The following TEX264 variants were observed in gnomAD, a reference collection of about 807,000 sequenced individuals.
TEX264 encodes testis-expressed protein 264.
In TEX264, 13 loss-of-function variants were observed where a neutral mutation model predicts 23.4. The observed-to-expected ratio is 0.56, with a 90% confidence interval of 0.36 to 0.88. TEX264 has a LOEUF of 0.88. Among genes scored for constraint, TEX264 ranks in the 40% least tolerant of loss-of-function variants. TEX264 has a pLI of 0.01. For synonymous variants in TEX264, 159 were observed against 170.0 expected, an observed-to-expected ratio of 0.94 and a Z score of 0.50; for missense variants, 340 against 406.8, an observed-to-expected ratio of 0.84 and a Z score of 1.41.
intron 3 of TEX264, among the ~76,000 whole-genome samples, chr3:51,692,732 G>A (rs1446075751): frequency 1.3e-5 from 2 of 152,266 alleles, no homozygotes; most frequent in Non-Finnish European, 2.9e-5. Flanking sequence ...TTGGAGAGGG[G>A]GTGGGCTGTG....
intron 3 of TEX264, among the ~76,000 whole-genome samples, chr3:51,695,604 G>C (rs1018662611): frequency 2.0e-5 from 3 of 152,214 alleles, no homozygotes; most frequent in Admixed American, 6.5e-5. Context: ...TGGGTCCCGT[G>C]GGGGAAAGCT....
chr3:51,703,642 G>A lies in TEX264; in HGVS notation c.650-82G>A, dbSNP rs1703404589. On this transcript the variant is annotated intron_variant, in intron 4 of 4. Transcript: ENST00000341333. The surrounding 1 kb of genome is among the most constrained non-coding windows in gnomAD (Gnocchi z 4.8). ...CCGGGAGGCTGCATTATTCATGAGT[G>A]CACTGCGTGCTGAGTTGCCTCTCCC... 1 of 1,423,886 alleles carries A rather than the reference G, an allele frequency of 7.0e-7. No individual in the cohort carries two copies. The highest frequency in any genetic ancestry group is 9.6e-7 in the Non-Finnish European group (1 of 1,046,742). The allele number at this position is 1,423,886 out of a possible 1,614,324, so 88.2% of individuals were successfully genotyped here. A position where few individuals can be genotyped will look rare whatever the true frequency, so the allele number is the denominator to read the frequency against.
In TEX264 at chr3:51,673,024, T is replaced by C. The variant is rs1427066542; in HGVS notation, c.-34-1247T>C. Among the ~76,000 whole-genome samples the C allele has an allele frequency of 2.6e-5, 4 of 152,214 alleles. No individual in the cohort carries two copies. The East Asian group carries it at 7.7e-4, about 29-fold the overall frequency. ...TCTTGACACCGAAAGTTTAGAAATT[T>C]ACTTTGCCTCTTTGTGAGCAAATAC... On this transcript the variant is annotated intron_variant, in intron 1 of 4. Coordinates refer to ENST00000341333, the MANE Select transcript of TEX264 (RefSeq NM_015926.6).
intron 1 of TEX264, chr3:51,672,046 C>G (rs1702063959): frequency 6.6e-6 from 1 of 152,290 alleles, no homozygotes; most frequent in African/African-American, 2.4e-5. Flanking sequence ...GGGGCGTGAC[C>G]AGAGCTCTAG....
intron 3 of TEX264, among the ~76,000 whole-genome samples, chr3:51,687,297 C>T (rs749716054): frequency 7.2e-5 from 11 of 152,178 alleles, no homozygotes; most frequent in Non-Finnish European, 1.5e-4. Context: ...CCTGACCTTG[C>T]GTCTTGGGGA....
chr3:51,684,652 GGT>G lies in TEX264; in HGVS notation c.480+27_480+28del, dbSNP rs765111701. 6.8e-6 allele frequency: 11 copies of G among 1,612,626 alleles called. No homozygotes were observed. The highest frequency in any genetic ancestry group is 9.3e-6 in the Non-Finnish European group (11 of 1,178,854). On this transcript the variant is annotated intron_variant, in intron 3 of 4. Coordinates refer to ENST00000341333, the MANE Select transcript of TEX264 (RefSeq NM_015926.6). Reference sequence around the variant, plus strand: ...ACATCAAGGTGAGGCACAGGCCTGGGGTGTGTGTGTTGGGGACAGCCAGGCCC... The same window carrying G: ...ACATCAAGGTGAGGCACAGGCCTGGGGTGTGTGTTGGGGACAGCCAGGCCC...
At chr3:51,687,280 T>C (rs1435777855) in intron 3 of TEX264, among the ~76,000 whole-genome samples, 2 of 152,154 alleles carry the variant, frequency 1.3e-5, no homozygotes, top group Non-Finnish European at 2.9e-5. Context: ...TCTGCCCCTG[T>C]GTTTAGCCTG....
chr3:51,694,117 T>G (rs1465033678), intron 3 of TEX264, among the ~76,000 whole-genome samples: 6 of 147,316 alleles, frequency 4.1e-5, no homozygotes, highest in Admixed American at 2.7e-4. Flanking sequence ...CCTTCCTTCC[T>G]TCCTTCCTTC....
At chr3:51,672,428 T>G (rs945817828) in intron 1 of TEX264, 5 of 150,600 alleles carry the variant, frequency 3.3e-5, no homozygotes, top group African/African-American at 1.2e-4. Context: ...TTCTGAGCAG[T>G]TTGGGAAGTG....
rs562685875 is a variant in TEX264, at chr3:51,689,322, C to T, written c.480+4688C>T. Among the ~76,000 whole-genome samples the T allele has an allele frequency of 1.8e-3, 267 of 151,832 alleles. 1 individual carries two copies. Among genetic ancestry groups the T allele is most frequent in the Middle Eastern group, 3.4e-3 (1 of 294 alleles). ...GCGTGCACCTGTGGTCTCAGCTACT[C>T]GGGAGGCTGAGACAGGAGAATTGCT... is the stretch of plus-strand genomic sequence containing the variant. On this transcript the variant is annotated intron_variant, in intron 3 of 4. Transcript: ENST00000341333.
intron 2 of TEX264, chr3:51,682,476 G>A (rs1010079492): frequency 2.0e-5 from 3 of 152,346 alleles, no homozygotes; most frequent in African/African-American, 7.2e-5. Flanking sequence ...CGGAAGGACA[G>A]GCAGGGAGGA....
intron 3 of TEX264, among the ~76,000 whole-genome samples, chr3:51,685,839 A>C (rs957889585): frequency 6.6e-6 from 1 of 152,230 alleles, no homozygotes; most frequent in Admixed American, 6.5e-5. Context: ...CCCAGCGGCT[A>C]TAGAGCTGTG....
At chr3:51,688,264 C>A (rs1702697461) in intron 3 of TEX264, among the ~76,000 whole-genome samples, 1 of 152,176 alleles carries the variant, frequency 6.6e-6, no homozygotes, top group African/African-American at 2.4e-5. Context: ...GGAGATGGGG[C>A]CCAGATGTGA....
At chr3:51,689,390 A>G (rs1289557690) in intron 3 of TEX264, among the ~76,000 whole-genome samples, 1 of 151,862 alleles carries the variant, frequency 6.6e-6, no homozygotes, top group Non-Finnish European at 1.5e-5. Context: ...AGATCACGCC[A>G]TTGCACATTA....
In TEX264 at chr3:51,686,279, C is replaced by T. The variant is rs1032544761; in HGVS notation, c.480+1645C>T. 5.3e-5 allele frequency among the ~76,000 whole-genome samples: 8 copies of T among 152,094 alleles called. No individual in the cohort carries two copies. Among genetic ancestry groups the T allele is most frequent in the Non-Finnish European group, 8.8e-5 (6 of 68,024 alleles). On this transcript the variant is annotated intron_variant, in intron 3 of 4. Coordinates refer to ENST00000341333, the MANE Select transcript of TEX264 (RefSeq NM_015926.6). The surrounding 1 kb of genome is among the most constrained non-coding windows in gnomAD (Gnocchi z 4.1). ...GTGGCAGCAAAGGCTGCGCAGAGGG[C>T]GTGGCCAGTGTGGCAGGGGTCAGGG... is the stretch of plus-strand genomic sequence containing the variant.
chr3:51,679,164 T>C (rs556633047), intron 2 of TEX264, among the ~76,000 whole-genome samples: 2 of 152,320 alleles, frequency 1.3e-5, no homozygotes, highest in South Asian at 2.1e-4. Context: ...TGTGTGACTT[T>C]AGGTGAGTCA....
At chr3:51,690,777 A>T (rs988778631) in intron 3 of TEX264, among the ~76,000 whole-genome samples, 5 of 152,136 alleles carry the variant, frequency 3.3e-5, no homozygotes, top group Non-Finnish European at 4.4e-5. Flanking sequence ...CGCATGGAGG[A>T]ACCAGCTAGG....
At chr3:51,672,755 A>G (rs1052036147) in intron 1 of TEX264, among the ~76,000 whole-genome samples, 1 of 152,212 alleles carries the variant, frequency 6.6e-6, no homozygotes, top group African/African-American at 2.4e-5. Context: ...TTAACCTCTA[A>G]CTACTTGAAC....
At position 51,692,864 on chromosome 3, in the gene TEX264, TCACTCCTGTACTCCC is replaced by T. The variant is rs1382981141; in HGVS notation, c.481-6539_481-6525del. Among the ~76,000 whole-genome samples, 21 of 152,374 alleles carry T rather than the reference TCACTCCTGTACTCCC, an allele frequency of 1.4e-4. No individual in the cohort carries two copies. In the East Asian group the frequency reaches 4.1e-3, roughly 29 times the overall value. ...TCTAGCTGAGCTCTCCTTGGGGTAC[TCACTCCTGTACTCCC>T]CAACCCTCTGGTCTGGCCACACAAC... On this transcript the variant is annotated intron_variant, in intron 3 of 4. Transcript: ENST00000341333.
Sources: gnomAD v4.1 joint callset for allele counts (sites outside exome capture counted in the v4.1 genomes callset) on GRCh38, gnomAD v4.1.1 for gene constraint, Gnocchi (gnomAD v3.1) non-coding constraint, MANE v1.5 for transcripts, NCBI Gene and HGNC (gene_info 2026-07-23, HGNC 2026-07-21) for gene names.